The following PKD1L1 variants were observed in gnomAD, a reference collection of about 807,000 sequenced individuals.
The protein encoded by PKD1L1 is polycystin 1 like 1, transient receptor potential channel interacting, also known as polycystin-1-like protein 1.
Under a neutral mutation model 323.4 loss-of-function variants are expected in PKD1L1, and 236 were observed. The observed-to-expected ratio is 0.73, with a 90% CI of 0.66 to 0.81. PKD1L1 has a LOEUF of 0.81. Ranked by LOEUF, PKD1L1 falls within the 40% of genes least tolerant of loss-of-function variation. The probability of loss-of-function intolerance (pLI) is 0.00; values close to 1 mark genes in which losing one functional copy is unlikely to be tolerated. For missense variants in PKD1L1, 3,320 were observed against 3,508.0 expected (o/e 0.95, Z 1.35); for synonymous variants, 1,344 against 1,335.0 (o/e 1.01, Z -0.15).
At chr7:47,887,168 T>A (rs1786703493) in intron 17 of PKD1L1, among the ~76,000 whole-genome samples, 1 of 152,246 alleles carries the variant, frequency 6.6e-6, no homozygotes, top group Non-Finnish European at 1.5e-5. Flanking sequence ...TCACCCTCTA[T>A]GTCTTCATGT....
chr7:47,952,452 T>C (rs1345621028), upstream of PKD1L1, among the ~76,000 whole-genome samples: 1 of 152,182 alleles, frequency 6.6e-6, no homozygotes, highest in African/African-American at 2.4e-5. Context: ...CTCCGCCCCA[T>C]GGGCTGGAGC....
At chr7:47,939,903 GC>G (rs1359089830) in intron 3 of PKD1L1, among the ~76,000 whole-genome samples, 2 of 150,972 alleles carry the variant, frequency 1.3e-5, no homozygotes, top group East Asian at 2.0e-4. Context: ...CTCCCCACCT[GC>G]AGGGCAGCCC....
intron 15 of PKD1L1, among the ~76,000 whole-genome samples, chr7:47,892,811 C>T (rs1786850109): frequency 6.6e-6 from 1 of 151,934 alleles, no homozygotes; most frequent in African/African-American, 2.4e-5. Flanking sequence ...CGGAGATGAG[C>T]CCAAGACCCT....
chr7:47,905,535 A>C (rs111489519), intron 10 of PKD1L1, among the ~76,000 whole-genome samples: 36 of 152,362 alleles, frequency 2.4e-4, no homozygotes, highest in African/African-American at 8.4e-4. Flanking sequence ...GTGCTTGCAC[A>C]GGAGGTGCTC....
At chr7:47,875,230 T>C (rs17131873) in intron 23 of PKD1L1, among the ~76,000 whole-genome samples, 2,766 of 152,322 alleles carry the variant, frequency 0.018, 69 homozygotes, top group African/African-American at 0.062. Context: ...ATATAATTGA[T>C]TTGTATCTAG....
chr7:47,813,857 G>T, intron 48 of PKD1L1, 74 bp downstream of exon 48: 2 of 1,262,486 alleles, frequency 1.6e-6, no homozygotes, highest in Non-Finnish European at 2.3e-6. Flanking sequence ...ATCTGCCAGG[G>T]TCCTGCCCCA....
chr7:47,827,463 C>T lies in PKD1L1; in HGVS notation c.6741G>A (p.Leu2247=). Residue 2247 remains leucine, a synonymous_variant, in exon 45 of 57, where the codon TTG becomes TTA. Transcript: ENST00000289672. ...GGTGGCGAGCTTGTTGTCGGGCAGC[C>T]AAGACCTGTCAGGGACAAGAGTGCT... ...PDCAGEVEKV[L]AARQQARHLR... The T allele has an allele frequency of 6.2e-7, 1 of 1,607,074 alleles. No homozygotes were observed.
rs1785549397 is a variant in PKD1L1, at chr7:47,840,737, C to T, written c.5446-170G>A. 6.6e-6 allele frequency among the ~76,000 whole-genome samples: 1 copy of T among 152,220 alleles called. No homozygotes were observed. The highest frequency in any genetic ancestry group is 6.5e-5 in the Admixed American group (1 of 15,286). On this transcript the variant is annotated intron_variant, in intron 34 of 56. Coordinates refer to ENST00000289672, the MANE Select transcript of PKD1L1 (RefSeq NM_138295.5). This position sits in a 1 kb window ranked among gnomAD's most constrained non-coding sequence, Gnocchi z 4.1. Reference sequence around the variant, plus strand: ...AGGGGATGAGTGGGCACGTCCAGTCCCAGGCTTCCCTGGAGAGCCAGAGGA... The same window carrying T: ...AGGGGATGAGTGGGCACGTCCAGTCTCAGGCTTCCCTGGAGAGCCAGAGGA...
At chr7:47,942,427 G>A (rs780758021) in intron 2 of PKD1L1, among the ~76,000 whole-genome samples, 14 of 151,488 alleles carry the variant, frequency 9.2e-5, no homozygotes, top group Non-Finnish European at 1.3e-4. Context: ...GCACACACCC[G>A]CCTCCTGCCC....
At position 47,819,673 on chromosome 7, in the gene PKD1L1, T is replaced by C. The variant is rs1483143218; in HGVS notation, c.6965+1403A>G. The C allele has an allele frequency of 6.3e-6, 6 of 956,860 alleles. No individual in the cohort carries two copies. In the Admixed American group the frequency reaches 1.7e-4, roughly 27 times the overall value. 59.3% of individuals were successfully genotyped at this position (956,860 alleles called of 1,614,324 possible). ...AAAAAAACAAAACAACTTGGATTAC[T>C]GAGCTACAGAACACCCAGACTCATA... is the stretch of plus-strand genomic sequence containing the variant. On this transcript the variant is annotated intron_variant, in intron 46 of 56. Coordinates refer to ENST00000289672, the MANE Select transcript of PKD1L1 (RefSeq NM_138295.5).
intron 56 of PKD1L1, among the ~76,000 whole-genome samples, chr7:47,779,905 A>C (rs1376619772): frequency 6.6e-6 from 1 of 152,226 alleles, no homozygotes; most frequent in Non-Finnish European, 1.5e-5. Context: ...TGTTATGCAC[A>C]TTTGTGACTA....
intron 6 of PKD1L1, among the ~76,000 whole-genome samples, chr7:47,930,711 A>T (rs1787751400): frequency 6.6e-6 from 1 of 152,012 alleles, no homozygotes; most frequent in African/African-American, 2.4e-5. Context: ...GCTACTCAGG[A>T]GGCTGAGGCA....
intron 42 of PKD1L1, 119 bp downstream of exon 42, chr7:47,831,097 TA>T (rs2128735335): frequency 7.8e-7 from 1 of 1,281,380 alleles, no homozygotes; most frequent in East Asian, 2.4e-5. Context: ...AGGGAGAAAA[TA>T]GCAATAGTGA....
At chr7:47,941,503 A>G (rs116046754) in intron 2 of PKD1L1, among the ~76,000 whole-genome samples, 170 of 152,350 alleles carry the variant, frequency 1.1e-3, no homozygotes, top group African/African-American at 3.9e-3. Flanking sequence ...ATTGTGAGTC[A>G]AAGTCACTAT....
At chr7:47,855,071 A>T in intron 29 of PKD1L1, 32 bp from the exon 30 acceptor site, 1 of 1,607,990 alleles carries the variant, frequency 6.2e-7, no homozygotes, top group Non-Finnish European at 8.5e-7. Context: ...GTTAAGCAAA[A>T]TTTGCCTTTG....
In PKD1L1 at chr7:47,940,115, A is replaced by G. The variant is rs1207441315; in HGVS notation, c.285+78T>C. 1.9e-6 allele frequency: 3 copies of G among 1,544,286 alleles called. No homozygotes were observed. The East Asian group carries it at 6.8e-5, about 35-fold the overall frequency. ...ATCCCTGATGAATTCCTGATGAAAC[A>G]TGGAGGTGCTTTTTAGCTGTACTGT... On this transcript the variant is annotated intron_variant, in intron 3 of 56. Coordinates refer to ENST00000289672, the MANE Select transcript of PKD1L1 (RefSeq NM_138295.5).
intron 15 of PKD1L1, among the ~76,000 whole-genome samples, chr7:47,891,905 T>C (rs535157166): frequency 7.2e-5 from 11 of 152,268 alleles, no homozygotes; most frequent in African/African-American, 1.9e-4. Flanking sequence ...ATGAATCAAA[T>C]TGGGGAGTCC....
chr7:47,940,452 T>C lies in PKD1L1; in HGVS notation c.161-135A>G, dbSNP rs77699053. The C allele has an allele frequency of 3.5e-3, 2,730 of 785,674 alleles. 58 individuals are homozygous for C. The African/African-American group carries it at 0.042, about 12-fold the overall frequency. The allele number at this position is 785,674 out of a possible 1,614,324, so 48.7% of individuals were successfully genotyped here. ...CCTAACAACGGGCTGATCATGAAGA[T>C]GCGTGTCCTTGGGCTGCCGTGTCCT... On this transcript the variant is annotated intron_variant, in intron 2 of 56. Coordinates refer to ENST00000289672, the MANE Select transcript of PKD1L1 (RefSeq NM_138295.5).
At chr7:47,909,798 T>C (rs555914192) in intron 8 of PKD1L1, among the ~76,000 whole-genome samples, 2 of 152,318 alleles carry the variant, frequency 1.3e-5, no homozygotes, top group African/African-American at 4.8e-5. Flanking sequence ...GTGGATCTAC[T>C]AGCAGCATAA....
Sources: gnomAD v4.1 joint callset for allele counts (sites outside exome capture counted in the v4.1 genomes callset) on GRCh38, gnomAD v4.1.1 for gene constraint, Gnocchi (gnomAD v3.1) non-coding constraint, MANE v1.5 for transcripts, NCBI Gene and HGNC (gene_info 2026-07-23, HGNC 2026-07-21) for gene names.